The following PLK4 variants were observed in gnomAD, a reference collection of about 807,000 sequenced individuals.
The protein encoded by PLK4 is serine/threonine-protein kinase PLK4.
In PLK4, 51 loss-of-function variants were observed where a neutral mutation model predicts 103.0. The ratio of observed to expected loss-of-function variants is 0.50; its 90% CI spans 0.40 to 0.63. The LOEUF is 0.63. Ranked by LOEUF, PLK4 falls within the 20% of genes least tolerant of loss-of-function variation. PLK4 has a pLI of 0.00. For missense variants in PLK4, 1,054 were observed against 1,151.0 expected (o/e 0.92, Z 1.22); for synonymous variants, 389 against 376.8 (o/e 1.03, Z -0.38).
At position 127,898,764 on chromosome 4, in the gene PLK4, A is replaced by G. The variant is rs903536606; in HGVS notation, c.*223A>G. 5 of 394,432 alleles carry G rather than the reference A, an allele frequency of 1.3e-5. No homozygotes were observed. The highest frequency in any genetic ancestry group is 2.2e-5 in the Non-Finnish European group (5 of 223,030). The allele number at this position is 394,432 out of a possible 1,614,324, so 24.4% of individuals were successfully genotyped here. ...AAATAGAACACCTGACTTTGCTCTT[A>G]GACCATAACCCCCGAACTTACTATG... On this transcript the variant is annotated 3_prime_UTR_variant, in exon 16 of 16. Transcript: ENST00000270861.
rs147749064 is a variant in PLK4, at chr4:127,890,091, T to G, written c.1685T>G (p.Phe562Cys). 1 of 1,613,990 alleles carries G rather than the reference T, an allele frequency of 6.2e-7. No individual in the cohort carries two copies. Among genetic ancestry groups the G allele is most frequent in the Non-Finnish European group, 8.5e-7 (1 of 1,179,968 alleles). The change falls in exon 7 of 16, where the codon TTT (phenylalanine) becomes TGT (cysteine). Residue 562 changes from phenylalanine (F) to cysteine (C), a missense_variant. Transcript: ENST00000270861. ...KPEIIQQECVFGSDPLSEQSK... is the reference protein window; with the variant it reads ...KPEIIQQECVCGSDPLSEQSK... ...GAGATAATCCAACAAGAATGTGTTT[T>G]TGGCTCAGATCCTCTTTCTGAACAG...
chr4:127,896,763 TCTGTGCC>T, intron 14 of PLK4, 31 bp from the exon 15 acceptor site: 5 of 1,220,668 alleles, frequency 4.1e-6, no homozygotes, highest in Non-Finnish European at 3.6e-6. Flanking sequence ...TTTTTTTTTT[TCTGTGCC>T]TGTTCTTACC....
Position 127,881,291 on chromosome 4 carries a change from G to C in PLK4, c.30+127G>C, listed in dbSNP as rs1019182832. On this transcript the variant is annotated intron_variant, in intron 1 of 15. Coordinates refer to ENST00000270861, the MANE Select transcript of PLK4 (RefSeq NM_014264.5). ...GCGGGCACCGAGGTGCTTAGGGAGG[G>C]TCCCAACGGCCCAGACCCCTGCTGT... 5 of 1,553,124 alleles carry C rather than the reference G, an allele frequency of 3.2e-6. No homozygotes were observed. The African/African-American group carries it at 4.1e-5, about 13-fold the overall frequency.
rs774028113 is a variant in PLK4, at chr4:127,890,130, G to C, written c.1724G>C (p.Gly575Ala). The C allele has an allele frequency of 1.9e-6, 3 of 1,613,732 alleles. No individual in the cohort carries two copies. Among genetic ancestry groups the C allele is most frequent in the Admixed American group, 3.3e-5 (2 of 59,988 alleles). Residue 575 changes from glycine to alanine, a missense_variant, in exon 7 of 16, where the codon GGT (glycine) becomes GCT (alanine). Physicochemically the swap from Gly to Ala is moderately conservative, Grantham distance 60. Transcript: ENST00000270861. ...CTTTCTGAACAGAGCAAGACTAGGGGTATGGAGCCACCATGGGGTTATCAG... is the reference window on the plus strand; with the variant it reads ...CTTTCTGAACAGAGCAAGACTAGGGCTATGGAGCCACCATGGGGTTATCAG... ...DPLSEQSKTR[G>A]MEPPWGYQNR...
chr4:127,892,482 C>T lies in PLK4; in HGVS notation c.2156C>T (p.Pro719Leu). Residue 719 changes from proline (P) to leucine (L), a missense_variant, in exon 10 of 16, where the codon CCT becomes CTT. Around this residue, in one of 4 missense-constraint regions of PLK4, gnomAD observed 680 missense variants for 660.3 expected, o/e 1.03. Transcript: ENST00000270861. ...YAKCILMENS[P>L]GADFEVWFYD... ...AAATGCATTTTGATGGAGAATTCTCCTGGTGCTGATTTTGAGGTTTGGTTT... is the reference window on the plus strand; with the variant it reads ...AAATGCATTTTGATGGAGAATTCTCTTGGTGCTGATTTTGAGGTTTGGTTT... 1 of 1,605,482 alleles carries T rather than the reference C, an allele frequency of 6.2e-7. No homozygotes were observed. Among genetic ancestry groups the T allele is most frequent in the Non-Finnish European group, 8.5e-7 (1 of 1,176,200 alleles).
chr4:127,887,455 C>A lies in PLK4; in HGVS notation c.1418C>A (p.Thr473Asn). Reference sequence around the variant, plus strand: ...CCATTTGCAGACCCGACACCTCAGACTGAAACCGTACAACAGTGGTTTGGG... The same window carrying A: ...CCATTTGCAGACCCGACACCTCAGAATGAAACCGTACAACAGTGGTTTGGG... ...PFPFADPTPQ[T>N]ETVQQWFGNL... The change falls in exon 6 of 16, where the codon ACT (threonine) becomes AAT (asparagine). Residue 473 changes from threonine (T) to asparagine (N), a missense_variant. Thr to Asn is a moderately conservative substitution (Grantham distance 65). Coordinates refer to ENST00000270861, the MANE Select transcript of PLK4 (RefSeq NM_014264.5). The A allele has an allele frequency of 1.9e-6, 3 of 1,610,944 alleles. No individual in the cohort carries two copies. Among genetic ancestry groups the A allele is most frequent in the Non-Finnish European group, 1.7e-6 (2 of 1,177,682 alleles).
intron 15 of PLK4, among the ~76,000 whole-genome samples, chr4:127,897,779 A>G (rs906559430): frequency 1.1e-4 from 15 of 131,980 alleles, no homozygotes; most frequent in African/African-American, 4.4e-4. Flanking sequence ...AAATAGAAAT[A>G]TATTCATAAT....
At position 127,889,726 on chromosome 4, in the gene PLK4, T is replaced by C. The variant is rs149444796; in HGVS notation, c.1460-140T>C. 62 of 608,944 alleles carry C rather than the reference T, an allele frequency of 1.0e-4. No individual in the cohort carries two copies. In the East Asian group the frequency reaches 1.5e-3, roughly 15 times the overall value. 37.7% of individuals were successfully genotyped at this position (608,944 alleles called of 1,614,324 possible). A position where few individuals can be genotyped will look rare whatever the true frequency, so the allele number is the denominator to read the frequency against. ...CTTAAACTGCTTATTTGTTAGAAAATTATGAGCTCTTATTGTTTTGTTTTT... is the reference window on the plus strand; with the variant it reads ...CTTAAACTGCTTATTTGTTAGAAAACTATGAGCTCTTATTGTTTTGTTTTT... On this transcript the variant is annotated intron_variant, in intron 6 of 15. Transcript: ENST00000270861.
chr4:127,893,598 T>C lies in PLK4; in HGVS notation c.2408T>C (p.Ile803Thr), dbSNP rs760775949. The change falls in exon 12 of 16, where the codon ATA becomes ACA. Residue 803 changes from isoleucine (I) to threonine (T), a missense_variant. By Grantham distance (89) the Ile-to-Thr change is moderately conservative. Around this residue, in one of 4 missense-constraint regions of PLK4, gnomAD observed 167 missense variants for 200.7 expected, o/e 0.83. Transcript: ENST00000270861. ...TRSAPFFPII[I>T]GRKPGSTSSP... The stretch of plus-strand genomic sequence containing the variant: ...AGTGCTCCCTTTTTCCCAATAATCA[T>C]AGGAAGGTAAATGTCTGAAAATTTT... 5.6e-6 allele frequency: 9 copies of C among 1,608,888 alleles called. No homozygotes were observed. The highest frequency in any genetic ancestry group is 1.6e-4 in the Middle Eastern group (1 of 6,072).
chr4:127,892,546 CTTTAGTTTGTAA>C (rs1735401102), intron 10 of PLK4, 32 bp downstream of exon 10: 1 of 1,569,734 alleles, frequency 6.4e-7, no homozygotes, highest in South Asian at 1.2e-5. Context: ...TAATTTGTTC[CTTTAGTTTGTAA>C]TTTAGTAGTT....
intron 6 of PLK4, among the ~76,000 whole-genome samples, chr4:127,888,659 A>G (rs1159855556): frequency 2.6e-5 from 4 of 152,234 alleles, no homozygotes; most frequent in Non-Finnish European, 2.9e-5. Context: ...GTTGTTTATA[A>G]TACAGAGTTT....
chr4:127,890,560 A>G (rs1362660623), intron 7 of PLK4, among the ~76,000 whole-genome samples: 1 of 152,168 alleles, frequency 6.6e-6, no homozygotes, highest in African/African-American at 2.4e-5. Context: ...TCAGTGAGCT[A>G]ATATTATCCT....
At position 127,890,116 on chromosome 4, in the gene PLK4, G is replaced by T. The variant is rs530875935; in HGVS notation, c.1710G>T (p.Gln570His). The T allele has an allele frequency of 1.9e-6, 3 of 1,613,970 alleles. No individual in the cohort carries two copies. The South Asian group carries it at 3.3e-5, about 18-fold the overall frequency. Reference sequence around the variant, plus strand: ...TTGGCTCAGATCCTCTTTCTGAACAGAGCAAGACTAGGGGTATGGAGCCAC... The same window carrying T: ...TTGGCTCAGATCCTCTTTCTGAACATAGCAAGACTAGGGGTATGGAGCCAC... ...CVFGSDPLSE[Q>H]SKTRGMEPPW... The change falls in exon 7 of 16, where the codon CAG becomes CAT. Residue 570 changes from glutamine to histidine, a missense_variant. Physicochemically the swap from Gln to His is conservative, Grantham distance 24 (BLOSUM62 0). This residue lies in a region of PLK4 where 680 missense variants were observed against 660.3 expected (regional missense o/e 1.03). Coordinates refer to ENST00000270861, the MANE Select transcript of PLK4 (RefSeq NM_014264.5).
Position 127,896,794 on chromosome 4 carries a change from T to C in PLK4, c.2704-7T>C. 3 of 1,574,996 alleles carry C rather than the reference T, an allele frequency of 1.9e-6. No individual in the cohort carries two copies. Among genetic ancestry groups the C allele is most frequent in the Non-Finnish European group, 2.6e-6 (3 of 1,146,254 alleles). On this transcript the variant is annotated splice_region_variant and splice_polypyrimidine_tract_variant and intron_variant, in intron 14 of 15. Coordinates refer to ENST00000270861, the MANE Select transcript of PLK4 (RefSeq NM_014264.5). ...CCTGTTCTTACCCATGCTTATTATT[T>C]TTCTAGTTAACTAGTGGAGCTGTGT...
rs70966059 is a variant in PLK4, at chr4:127,895,452, CTTTTTTTTT to C, written c.2703+379_2703+387del. On this transcript the variant is annotated intron_variant, in intron 14 of 15. Transcript: ENST00000270861. Reference sequence around the variant, plus strand: ...TAATCAATATTAGTAGAGTAACTTTCTTTTTTTTTTTTTTTTTTTTTTTTTTTTGAGACA... The same window carrying C: ...TAATCAATATTAGTAGAGTAACTTTCTTTTTTTTTTTTTTTTTTTGAGACA... Among the ~76,000 whole-genome samples the C allele has an allele frequency of 3.7e-4, 24 of 65,198 alleles. No individual in the cohort carries two copies. The South Asian group carries it at 9.2e-3, about 25-fold the overall frequency. 42.8% of individuals were successfully genotyped at this position (65,198 alleles called of 152,430 possible).
chr4:127,884,723 G>A (rs1735053629), intron 4 of PLK4, among the ~76,000 whole-genome samples: 1 of 152,104 alleles, frequency 6.6e-6, no homozygotes, highest in Admixed American at 6.5e-5. Flanking sequence ...TGGATCACAA[G>A]GTCAGGAGAT....
Position 127,883,413 on chromosome 4 carries a change from A to G in PLK4, c.223-26A>G. The G allele has an allele frequency of 4.3e-6, 6 of 1,400,452 alleles. No homozygotes were observed. Among genetic ancestry groups the G allele is most frequent in the Non-Finnish European group, 6.1e-6 (6 of 990,954 alleles). The allele number at this position is 1,400,452 out of a possible 1,614,324, so 86.8% of individuals were successfully genotyped here. The stretch of plus-strand genomic sequence containing the variant: ...GGACACTGAATTTTTGTATATTTTA[A>G]TTTATTATGCCCTTTCACATTTCAG... On this transcript the variant is annotated intron_variant, in intron 3 of 15. Transcript: ENST00000270861.
Position 127,892,464 on chromosome 4 carries a change from T to A in PLK4, c.2138T>A (p.Ile713Asn). Residue 713 changes from isoleucine to asparagine, a missense_variant, in exon 10 of 16, where the codon ATT becomes AAT. Transcript: ENST00000270861. ...TATTTTACAAGATATGCTAAATGCA[T>A]TTTGATGGAGAATTCTCCTGGTGCT... ...ITYFTRYAKC[I>N]LMENSPGADF... The A allele has an allele frequency of 6.2e-7, 1 of 1,600,580 alleles. No individual in the cohort carries two copies. Among genetic ancestry groups the A allele is most frequent in the East Asian group, 2.3e-5 (1 of 43,588 alleles).
chr4:127,890,698 T>C (rs1257108905), intron 7 of PLK4, among the ~76,000 whole-genome samples: 1 of 152,188 alleles, frequency 6.6e-6, no homozygotes, highest in African/African-American at 2.4e-5. Flanking sequence ...GTTTAGAGTT[T>C]AAAAATTATT....
Sources: allele counts gnomAD v4.1 joint callset (sites outside exome capture counted in the v4.1 genomes callset), GRCh38; gene constraint gnomAD v4.1.1; regional missense constraint gnomAD v4.1.1; transcripts MANE v1.5; gene names NCBI Gene and HGNC (gene_info 2026-07-23, HGNC 2026-07-21).